The following SLC25A48 variants were observed in gnomAD, a reference collection of about 807,000 sequenced individuals.
SLC25A48 encodes solute carrier family 25 member 48.
In SLC25A48, 29 loss-of-function variants were observed where a neutral mutation model predicts 32.2. That is an observed-to-expected ratio of 0.90 (90% CI 0.67 to 1.23). SLC25A48 has a LOEUF of 1.23. SLC25A48 is among the 50% of genes most tolerant of loss of function. The pLI, the probability that SLC25A48 is intolerant of heterozygous loss-of-function variation, is 0.00. For synonymous variants in SLC25A48, 164 were observed against 172.3 expected, an observed-to-expected ratio of 0.95 and a Z score of 0.38; for missense variants, 399 against 422.7, an observed-to-expected ratio of 0.94 and a Z score of 0.49.
intron 3 of SLC25A48, among the ~76,000 whole-genome samples, chr5:135,737,931 A>G (rs764324300): frequency 1.3e-5 from 2 of 152,172 alleles, no homozygotes; most frequent in Non-Finnish European, 2.9e-5. Flanking sequence ...GGCACCTTCT[A>G]CAGGACCATC....
chr5:135,870,187 A>G (rs1387664970), intron 4 of SLC25A48, among the ~76,000 whole-genome samples: 1 of 152,226 alleles, frequency 6.6e-6, no homozygotes, highest in Non-Finnish European at 1.5e-5. Context: ...GGAACACTGT[A>G]CAGAGAATTA....
chr5:135,682,422 G>A (rs1753919011), intron 3 of SLC25A48, among the ~76,000 whole-genome samples: 1 of 152,176 alleles, frequency 6.6e-6, no homozygotes, highest in Non-Finnish European at 1.5e-5. Context: ...GATTAGGTAA[G>A]ATTGGTATAA....
At chr5:135,848,435 TCTGTGGTTCTGCTTAA>T (rs1205560418) in intron 2 of SLC25A48, among the ~76,000 whole-genome samples, 1 of 152,212 alleles carries the variant, frequency 6.6e-6, no homozygotes, top group Non-Finnish European at 1.5e-5. Context: ...GAGGTAGGCC[TCTGTGGTTCTGCTTAA>T]CAAGAAGACC....
At chr5:135,743,846 T>C (rs1237636474) in intron 3 of SLC25A48, among the ~76,000 whole-genome samples, 1 of 152,192 alleles carries the variant, frequency 6.6e-6, no homozygotes, top group East Asian at 1.9e-4. Context: ...CCTTTGAAGA[T>C]GAATATCCTC....
At chr5:135,847,186 C>G (rs1036515470) in intron 2 of SLC25A48, among the ~76,000 whole-genome samples, 1 of 152,236 alleles carries the variant, frequency 6.6e-6, no homozygotes, top group Admixed American at 6.5e-5. Context: ...GAACCAAGCT[C>G]TCTTCTCTCT....
intron 2 of SLC25A48, among the ~76,000 whole-genome samples, chr5:135,844,789 A>C (rs921259116): frequency 1.3e-5 from 2 of 152,184 alleles, no homozygotes; most frequent in African/African-American, 4.8e-5. Context: ...GGTATTTATA[A>C]ATTTCTCTTT....
intron 3 of SLC25A48, among the ~76,000 whole-genome samples, chr5:135,796,963 C>T (rs1698569023): frequency 6.6e-6 from 1 of 151,582 alleles, no homozygotes; most frequent in African/African-American, 2.4e-5. Context: ...ATATTTCTCC[C>T]AATATCAAGG....
At chr5:135,793,006 G>C (rs929985750) in intron 3 of SLC25A48, among the ~76,000 whole-genome samples, 2 of 147,818 alleles carry the variant, frequency 1.4e-5, no homozygotes, top group African/African-American at 5.0e-5. Flanking sequence ...ATATCCTGGG[G>C]AGATATTATT....
intron 3 of SLC25A48, among the ~76,000 whole-genome samples, chr5:135,724,492 A>T (rs1755042365): frequency 6.6e-6 from 1 of 152,222 alleles, no homozygotes; most frequent in Admixed American, 6.5e-5. Flanking sequence ...GCTAAGCCCA[A>T]GGTGCCTTCC....
intron 3 of SLC25A48, among the ~76,000 whole-genome samples, chr5:135,710,754 A>C (rs1418446477): frequency 6.6e-6 from 1 of 152,202 alleles, no homozygotes; most frequent in African/African-American, 2.4e-5. Flanking sequence ...CACTGGCCAA[A>C]TGGCTTCTCT....
At chr5:135,822,417 T>C (rs1757915405) in intron 4 of SLC25A48, among the ~76,000 whole-genome samples, 1 of 152,092 alleles carries the variant, frequency 6.6e-6, no homozygotes, top group Non-Finnish European at 1.5e-5. Context: ...GCAGAGTTGT[T>C]TTCTTCTTGG....
intron 3 of SLC25A48, among the ~76,000 whole-genome samples, chr5:135,645,761 C>G (rs1752943901): frequency 6.6e-6 from 1 of 152,192 alleles, no homozygotes; most frequent in African/African-American, 2.4e-5. Flanking sequence ...TTCCAGCACT[C>G]AGGAAAGCAT....
At chr5:135,753,402 G>T (rs35318880) in intron 3 of SLC25A48, among the ~76,000 whole-genome samples, 7 of 152,022 alleles carry the variant, frequency 4.6e-5, no homozygotes, top group Non-Finnish European at 7.4e-5. Flanking sequence ...TACACACAGA[G>T]CGCAAACCCA....
At chr5:135,849,170 A>G (rs537602983) in intron 2 of SLC25A48, among the ~76,000 whole-genome samples, 4 of 152,304 alleles carry the variant, frequency 2.6e-5, no homozygotes, top group Non-Finnish European at 5.9e-5. Flanking sequence ...CATTTTAACT[A>G]TATGTACTCT....
At chr5:135,720,703 G>A (rs1020380455) in intron 3 of SLC25A48, among the ~76,000 whole-genome samples, 7 of 152,138 alleles carry the variant, frequency 4.6e-5, no homozygotes, top group South Asian at 2.1e-4. Flanking sequence ...TCCATTGCAC[G>A]GAGAGACCAG....
chr5:135,799,978 T>C (rs1161495914), intron 3 of SLC25A48, among the ~76,000 whole-genome samples: 2 of 151,664 alleles, frequency 1.3e-5, no homozygotes, highest in African/African-American at 2.4e-5. Flanking sequence ...ACTCCCAAAA[T>C]CGCAGAAGGT....
At chr5:135,804,040 T>C (rs1757399906) in intron 3 of SLC25A48, among the ~76,000 whole-genome samples, 1 of 151,616 alleles carries the variant, frequency 6.6e-6, no homozygotes, top group African/African-American at 2.4e-5. Context: ...TTAGGAATCA[T>C]ATCTCCCTAA....
intron 3 of SLC25A48, among the ~76,000 whole-genome samples, chr5:135,641,721 T>A (rs1414120619): frequency 1.3e-5 from 2 of 152,196 alleles, no homozygotes; most frequent in African/African-American, 2.4e-5. Flanking sequence ...CAGCGCTGTT[T>A]CTTTCTTTGG....
At chr5:135,853,366 G>C (rs1232320194) in intron 4 of SLC25A48, among the ~76,000 whole-genome samples, 1 of 152,188 alleles carries the variant, frequency 6.6e-6, no homozygotes, top group Non-Finnish European at 1.5e-5. Context: ...GACGCTGTTT[G>C]ATGGCATTTT....
Sources: allele counts gnomAD v4.1 joint callset (sites outside exome capture counted in the v4.1 genomes callset), GRCh38; gene constraint gnomAD v4.1.1; transcripts MANE v1.5; gene names NCBI Gene and HGNC (gene_info 2026-07-23, HGNC 2026-07-21).